The following ANKRD30B variants were observed in gnomAD, a reference collection of about 807,000 sequenced individuals.
The protein encoded by ANKRD30B is ankyrin repeat domain-containing protein 30B.
Under a neutral mutation model 202.2 loss-of-function variants are expected in ANKRD30B, and 144 were observed. The ratio of observed to expected loss-of-function variants is 0.71; its 90% CI spans 0.62 to 0.82. The LOEUF (loss-of-function observed/expected upper bound fraction) is 0.82. ANKRD30B is among the 40% of genes least tolerant of loss of function. ANKRD30B has a pLI of 0.00. For missense variants in ANKRD30B, 1,487 were observed against 1,669.1 expected, an observed-to-expected ratio of 0.89 and a Z score of 1.90; for synonymous variants, 508 against 561.3, an observed-to-expected ratio of 0.91 and a Z score of 1.34.
At position 14,822,667 on chromosome 18, in the gene ANKRD30B, A is replaced by G; in HGVS notation, c.2733A>G (p.Thr911=). ...NKALELKDRE[T]FKAEDVSSVE... ...CCTTAGAATTGAAGGACAGAGAAACATTCAAAGCAGGTAAATTTTGTAATT... is the reference window on the plus strand; with the variant it reads ...CCTTAGAATTGAAGGACAGAGAAACGTTCAAAGCAGGTAAATTTTGTAATT... The change falls in exon 32 of 44, where the codon ACA becomes ACG. Residue 911 remains threonine (T), a synonymous_variant. Transcript: ENST00000690538. The G allele has an allele frequency of 7.1e-7, 1 of 1,411,306 alleles. No homozygotes were observed. The highest frequency in any genetic ancestry group is 1.4e-5 in the South Asian group (1 of 73,750). The allele number at this position is 1,411,306 out of a possible 1,614,324, so 87.4% of individuals were successfully genotyped here. A position where few individuals can be genotyped will look rare whatever the true frequency, so the allele number is the denominator to read the frequency against.
intron 3 of ANKRD30B, 79 bp downstream of exon 3, chr18:14,753,091 T>G (rs1209074585): frequency 2.6e-6 from 3 of 1,154,420 alleles, no homozygotes; most frequent in Admixed American, 3.2e-5. Flanking sequence ...GCTTTTATAT[T>G]TGGAAACACA....
the ANKRD30B span, among the ~76,000 whole-genome samples, chr18:14,907,796 A>G: frequency 5.9e-5 from 9 of 152,044 alleles, no homozygotes; most frequent in Admixed American, 5.9e-4. Flanking sequence ...CCTCACAGTT[A>G]CTGAACCCCT....
intron 9 of ANKRD30B, among the ~76,000 whole-genome samples, chr18:14,774,267 T>C (rs1967212647): frequency 6.6e-6 from 1 of 152,186 alleles, no homozygotes; most frequent in African/African-American, 2.4e-5. Flanking sequence ...TGTTTCATCA[T>C]ATATCTTATA....
intron 16 of ANKRD30B, among the ~76,000 whole-genome samples, chr18:14,793,896 GA>G (rs536175717): frequency 0.039 from 5,460 of 140,882 alleles, 268 homozygotes; most frequent in African/African-American, 0.11. Context: ...ACCGACAAAA[GA>G]AAAAAAAAAA....
chr18:14,759,883 T>C (rs1914982476), intron 5 of ANKRD30B, among the ~76,000 whole-genome samples: 1 of 152,212 alleles, frequency 6.6e-6, no homozygotes, highest in Middle Eastern at 3.2e-3. Flanking sequence ...TTACAACCTA[T>C]GAAGAAACAC....
At chr18:14,810,076 C>G (rs1179608782) in intron 27 of ANKRD30B, 32 bp from the exon 28 acceptor site, 28 of 1,466,506 alleles carry the variant, frequency 1.9e-5, no homozygotes, top group Non-Finnish European at 2.6e-5. Flanking sequence ...TATACATTAT[C>G]TATTAATTTT....
chr18:14,772,363 T>A, intron 9 of ANKRD30B, 135 bp downstream of exon 9: 1 of 460,642 alleles, frequency 2.2e-6, no homozygotes, highest in Middle Eastern at 4.5e-4. Context: ...TTTATAGAAA[T>A]AGGAGTAGTT....
chr18:14,797,533 C>G (rs547297557), intron 18 of ANKRD30B, 128 bp from the exon 19 acceptor site: 1 of 1,109,508 alleles, frequency 9.0e-7, no homozygotes, highest in Non-Finnish European at 1.4e-6. Context: ...CCAAAGGACC[C>G]CAAAACCTAG....
the ANKRD30B span, among the ~76,000 whole-genome samples, chr18:14,865,024 C>A: frequency 2.0e-5 from 3 of 151,668 alleles, no homozygotes; most frequent in Admixed American, 6.6e-5. Flanking sequence ...CCATCTACCC[C>A]GAACTATTTT....
chr18:14,937,468 G>A, the ANKRD30B span, among the ~76,000 whole-genome samples: 7 of 36,320 alleles, frequency 1.9e-4, no homozygotes, highest in East Asian at 4.5e-3. Flanking sequence ...TACAGGCCAC[G>A]TCCTCCCGCC....
chr18:14,848,121 G>A (rs1971729941), intron 39 of ANKRD30B, among the ~76,000 whole-genome samples: 1 of 152,132 alleles, frequency 6.6e-6, no homozygotes, highest in South Asian at 2.1e-4. Flanking sequence ...GTCAAGGCAA[G>A]AAGCTGAAAC....
the ANKRD30B span, among the ~76,000 whole-genome samples, chr18:14,930,311 C>T: frequency 4.0e-5 from 6 of 149,838 alleles, no homozygotes; most frequent in Admixed American, 1.3e-4. Context: ...TAAATGGTCT[C>T]AGAAGGCCGC....
intron 41 of ANKRD30B, 135 bp from the exon 42 acceptor site, chr18:14,851,374 A>C (rs1328885284): frequency 7.9e-6 from 7 of 881,276 alleles, no homozygotes; most frequent in Non-Finnish European, 1.1e-5. Context: ...GTTTTGATTC[A>C]ATGGTTCTTC....
chr18:14,887,494 G>A, the ANKRD30B span, among the ~76,000 whole-genome samples: 1 of 151,918 alleles, frequency 6.6e-6, no homozygotes, highest in Non-Finnish European at 1.5e-5. Flanking sequence ...CCAATTAATT[G>A]GCAAGAATAT....
the ANKRD30B span, among the ~76,000 whole-genome samples, chr18:14,917,520 G>C: frequency 6.6e-5 from 10 of 152,316 alleles, no homozygotes; most frequent in African/African-American, 2.2e-4. Flanking sequence ...CAGCCATTTA[G>C]GCAGGTCCTC....
At chr18:14,864,858 G>T in the ANKRD30B span, among the ~76,000 whole-genome samples, 3 of 150,038 alleles carry the variant, frequency 2.0e-5, no homozygotes, top group Admixed American at 6.6e-5. Context: ...TTTTCCCGCC[G>T]TCTTTTTGCA....
At chr18:14,791,941 C>T (rs1968542693) in intron 16 of ANKRD30B, among the ~76,000 whole-genome samples, 1 of 152,048 alleles carries the variant, frequency 6.6e-6, no homozygotes. Context: ...CAGAGAATTA[C>T]AGCAAAAATA....
intron 39 of ANKRD30B, among the ~76,000 whole-genome samples, chr18:14,844,390 A>G (rs1287675835): frequency 6.6e-6 from 1 of 152,214 alleles, no homozygotes; most frequent in Non-Finnish European, 1.5e-5. Flanking sequence ...CTGTTGTAAC[A>G]CATTATTTCC....
At chr18:14,757,557 C>G (rs1356949767) in intron 4 of ANKRD30B, among the ~76,000 whole-genome samples, 1 of 152,044 alleles carries the variant, frequency 6.6e-6, no homozygotes, top group African/African-American at 2.4e-5. Flanking sequence ...AAATCTTTGC[C>G]TCTTTTAGGT....
Sources: gnomAD v4.1 joint callset for allele counts (sites outside exome capture counted in the v4.1 genomes callset) on GRCh38, gnomAD v4.1.1 for gene constraint, MANE v1.5 for transcripts, NCBI Gene and HGNC (gene_info 2026-07-23, HGNC 2026-07-21) for gene names.